The following AKAP12 variants were observed in gnomAD, a reference collection of about 807,000 sequenced individuals.
AKAP12 encodes A-kinase anchoring protein 12.
Under a neutral mutation model 79.9 loss-of-function variants are expected in AKAP12, and 32 were observed. The ratio of observed to expected loss-of-function variants is 0.40; its 90% confidence interval spans 0.30 to 0.54. The LOEUF (loss-of-function observed/expected upper bound fraction) is 0.54, where lower values mean the gene tolerates loss of function less well. Ranked by LOEUF, AKAP12 falls within the 20% of genes least tolerant of loss-of-function variation. The pLI, the probability that AKAP12 is intolerant of heterozygous loss-of-function variation, is 0.48. For missense variants in AKAP12, 2,074 were observed against 2,177.0 expected (o/e 0.95, Z 0.94); for synonymous variants, 808 against 857.0 (o/e 0.94, Z 1.00).
chr6:151,280,620 TTTTC>T (rs1219434496), intron 2 of AKAP12: 3 of 150,322 alleles, frequency 2.0e-5, no homozygotes, highest in South Asian at 2.1e-4. Context: ...CGCTCTTTTC[TTTTC>T]TTTCTTTTTC....
chr6:151,264,769 ATAAAT>A (rs1453743232), intron 2 of AKAP12, among the ~76,000 whole-genome samples: 4 of 152,172 alleles, frequency 2.6e-5, no homozygotes, highest in Non-Finnish European at 4.4e-5. Flanking sequence ...TTTGACAAAA[ATAAAT>A]TAATTTAGCT....
At chr6:151,280,427 C>T (rs1776380166) in intron 2 of AKAP12, 1 of 151,960 alleles carries the variant, frequency 6.6e-6, no homozygotes, top group Non-Finnish European at 1.5e-5. Context: ...ATTTCTGACA[C>T]ATTTACTTGT....
chr6:151,241,477 G>T (rs915478092), intron 2 of AKAP12, among the ~76,000 whole-genome samples: 1 of 152,236 alleles, frequency 6.6e-6, no homozygotes, highest in South Asian at 2.1e-4. Context: ...CTCAAAGGAT[G>T]GGGTCAGTGT....
chr6:151,341,893 C>T, intron 3 of AKAP12: 1 of 909,578 alleles, frequency 1.1e-6, no homozygotes, highest in Non-Finnish European at 1.5e-6. Flanking sequence ...GCGCCCGTGG[C>T]ATCCCAGCCC....
chr6:151,351,367 A>G lies in AKAP12; in HGVS notation c.2976A>G (p.Glu992=). ...CATTGGGTGCCGAAGAAGGAACCGA[A>G]GCATCTGCTGCTGAAGAGACCACAG... ...AGPLGAEEGT[E]ASAAEETTEM... The change falls in exon 4 of 5, where the codon GAA becomes GAG. Residue 992 remains glutamate, a synonymous_variant. Transcript: ENST00000402676. This position sits in a 1 kb window ranked among gnomAD's most constrained non-coding sequence, Gnocchi z 4.4. The G allele has an allele frequency of 6.2e-7, 1 of 1,614,240 alleles. No homozygotes were observed. The highest frequency in any genetic ancestry group is 8.5e-7 in the Non-Finnish European group (1 of 1,180,042).
intron 3 of AKAP12, among the ~76,000 whole-genome samples, chr6:151,342,790 C>T (rs1238540997): frequency 1.3e-5 from 2 of 152,212 alleles, no homozygotes; most frequent in Non-Finnish European, 2.9e-5. Flanking sequence ...ACCTTAGATA[C>T]TGATGGCAGT....
At chr6:151,254,434 C>T (rs920550035) in intron 2 of AKAP12, among the ~76,000 whole-genome samples, 2 of 152,092 alleles carry the variant, frequency 1.3e-5, no homozygotes, top group Non-Finnish European at 2.9e-5. Context: ...TTACTGCAAC[C>T]TCCGCCTCCC....
At chr6:151,259,513 C>T (rs1293252739) in intron 2 of AKAP12, among the ~76,000 whole-genome samples, 16 of 94,022 alleles carry the variant, frequency 1.7e-4, no homozygotes, top group East Asian at 8.8e-4. Context: ...TATATATATA[C>T]ACACACACAC....
chr6:151,323,796 C>T, intron 3 of AKAP12: 1 of 985,370 alleles, frequency 1.0e-6, no homozygotes, highest in South Asian at 4.7e-5. Context: ...GCTGGAGATT[C>T]ATTCTGCTCT....
At chr6:151,314,083 A>G (rs1777183581) in intron 3 of AKAP12, among the ~76,000 whole-genome samples, 1 of 149,828 alleles carries the variant, frequency 6.7e-6, no homozygotes, top group African/African-American at 2.5e-5. Context: ...GCTGAAGTAC[A>G]GTGGTGCAGT....
intron 2 of AKAP12, among the ~76,000 whole-genome samples, chr6:151,291,407 G>A (rs994503036): frequency 1.3e-5 from 2 of 152,102 alleles, no homozygotes; most frequent in South Asian, 2.1e-4. Flanking sequence ...GACTGTCCTG[G>A]GCTATGCCAG....
Position 151,339,140 on chromosome 6 carries a change from A to T in AKAP12, c.320-9571A>T, listed in dbSNP as rs1777887131. Among the ~76,000 whole-genome samples the T allele has an allele frequency of 2.6e-5, 4 of 152,252 alleles. No individual in the cohort carries two copies. In the South Asian group the frequency reaches 8.3e-4, roughly 31 times the overall value. On this transcript the variant is annotated intron_variant, in intron 3 of 4. Coordinates refer to ENST00000402676, the MANE Select transcript of AKAP12 (RefSeq NM_005100.4). Reference sequence around the variant, plus strand: ...TCAAATTGCTGTCCACATTAGACATAAAGCAGTTTTTCCATCTAAGTGTAG... The same window carrying T: ...TCAAATTGCTGTCCACATTAGACATTAAGCAGTTTTTCCATCTAAGTGTAG...
At chr6:151,325,406 G>A in intron 3 of AKAP12, 3 of 985,378 alleles carry the variant, frequency 3.0e-6, no homozygotes, top group South Asian at 4.7e-5. Context: ...CCAATGCGCC[G>A]GCTCCAGCAT....
At chr6:151,337,099 GCCT>G (rs1361582970) in intron 3 of AKAP12, among the ~76,000 whole-genome samples, 2 of 152,118 alleles carry the variant, frequency 1.3e-5, no homozygotes, top group Non-Finnish European at 2.9e-5. Context: ...ATATCGGATA[GCCT>G]CCTCTAAAAT....
intron 3 of AKAP12, among the ~76,000 whole-genome samples, chr6:151,329,105 G>A (rs949272114): frequency 2.1e-5 from 3 of 142,812 alleles, no homozygotes; most frequent in East Asian, 2.1e-4. Flanking sequence ...TGTAAATGGC[G>A]TGCCAGCATA....
chr6:151,350,581 T>C lies in AKAP12; in HGVS notation c.2190T>C (p.Ala730=), dbSNP rs370026206. The C allele has an allele frequency of 6.2e-6, 10 of 1,613,986 alleles. No individual in the cohort carries two copies. Among genetic ancestry groups the C allele is most frequent in the Non-Finnish European group, 8.5e-6 (10 of 1,180,018 alleles). Residue 730 remains alanine, a synonymous_variant, in exon 4 of 5, where the codon GCT becomes GCC. Coordinates refer to ENST00000402676, the MANE Select transcript of AKAP12 (RefSeq NM_005100.4). This position sits in a 1 kb window ranked among gnomAD's most constrained non-coding sequence, Gnocchi z 4.8. ...AGACGGGGACAGACGGGATCCTTGC[T>C]GGTTCCCAAGAACATGATCCAGGGC... ...DKETGTDGIL[A]GSQEHDPGQG...
Position 151,353,728 on chromosome 6 carries a change from T to G in AKAP12, c.5337T>G (p.Leu1779=), listed in dbSNP as rs1231671369. 1 of 1,585,458 alleles carries G rather than the reference T, an allele frequency of 6.3e-7. No homozygotes were observed. Among genetic ancestry groups the G allele is most frequent in the African/African-American group, 1.4e-5 (1 of 73,202 alleles). The part of the protein sequence containing the change: ...KQERESAKSE[L]TES Reference sequence around the variant, plus strand: ...AGAGAGAATCTGCAAAGTCAGAACTTACAGAATCTTAAAACATCATGCAGG... The same window carrying G: ...AGAGAGAATCTGCAAAGTCAGAACTGACAGAATCTTAAAACATCATGCAGG... Residue 1779 remains leucine, a synonymous_variant, in exon 4 of 5, where the codon CTT becomes CTG. Coordinates refer to ENST00000402676, the MANE Select transcript of AKAP12 (RefSeq NM_005100.4).
chr6:151,324,076 G>T (rs1777463819), intron 3 of AKAP12: 5 of 985,412 alleles, frequency 5.1e-6, no homozygotes, highest in Non-Finnish European at 4.8e-6. Context: ...TGGCTCTGTG[G>T]ACTCCAGAAG....
rs1416728458 is a variant in AKAP12 at position 151,349,855 on chromosome 6, G to T, written c.1464G>T (p.Val488=). The part of the protein sequence containing the change: ...QGADLSPDEK[V]LSKPPEGVVS... Reference sequence around the variant, plus strand: ...CTGACCTCAGTCCTGATGAGAAGGTGCTGTCCAAACCCCCCGAAGGCGTTG... The same window carrying T: ...CTGACCTCAGTCCTGATGAGAAGGTTCTGTCCAAACCCCCCGAAGGCGTTG... The change falls in exon 4 of 5, where the codon GTG becomes GTT. Residue 488 remains valine, a synonymous_variant. Coordinates refer to ENST00000402676, the MANE Select transcript of AKAP12 (RefSeq NM_005100.4). 5 of 1,614,200 alleles carry T rather than the reference G, an allele frequency of 3.1e-6. No homozygotes were observed. The highest frequency in any genetic ancestry group is 4.2e-6 in the Non-Finnish European group (5 of 1,180,032).
Sources: gnomAD v4.1 joint callset for allele counts (sites outside exome capture counted in the v4.1 genomes callset) on GRCh38, gnomAD v4.1.1 for gene constraint, Gnocchi (gnomAD v3.1) non-coding constraint, MANE v1.5 for transcripts, NCBI Gene and HGNC (gene_info 2026-07-23, HGNC 2026-07-21) for gene names.